The following DSCAM variants were observed in gnomAD, a reference collection of about 807,000 sequenced individuals.
DSCAM encodes DS cell adhesion molecule.
Under a neutral mutation model 217.7 loss-of-function variants are expected in DSCAM, and 47 were observed. The observed-to-expected ratio is 0.22, with a 90% confidence interval of 0.17 to 0.28. The LOEUF (loss-of-function observed/expected upper bound fraction) is 0.28, where lower values mean the gene tolerates loss of function less well. DSCAM is among the 10% of genes least tolerant of loss of function. The pLI, the probability that DSCAM is intolerant of heterozygous loss-of-function variation, is 1.00. For synonymous variants in DSCAM, 1,056 were observed against 1,015.3 expected, an observed-to-expected ratio of 1.04 and a Z score of -0.76; for missense variants, 2,080 against 2,618.3, an observed-to-expected ratio of 0.79 and a Z score of 4.49.
chr21:40,209,380 C>A (rs993170218), intron 11 of DSCAM, among the ~76,000 whole-genome samples: 21 of 152,150 alleles, frequency 1.4e-4, no homozygotes, highest in African/African-American at 5.1e-4. Context: ...CATGGCGATG[C>A]CTGCACACAC....
intron 5 of DSCAM, among the ~76,000 whole-genome samples, chr21:40,348,203 C>T (rs866630733): frequency 9.9e-5 from 15 of 152,238 alleles, no homozygotes; most frequent in Non-Finnish European, 1.5e-4. Flanking sequence ...TTATTGCAAT[C>T]GTACCCCACA....
intron 3 of DSCAM, among the ~76,000 whole-genome samples, chr21:40,516,604 A>C (rs1201800921): frequency 6.6e-6 from 1 of 152,110 alleles, no homozygotes; most frequent in Non-Finnish European, 1.5e-5. Context: ...CGGCCAATGT[A>C]CCTGCAGAAT....
chr21:40,149,731 C>T lies in DSCAM; in HGVS notation c.3019-5000G>A, dbSNP rs550218165. Among the ~76,000 whole-genome samples the T allele has an allele frequency of 2.7e-5, 4 of 148,552 alleles. 1 individual carries two copies. In the South Asian group the frequency reaches 8.7e-4, roughly 32 times the overall value. On this transcript the variant is annotated intron_variant, in intron 16 of 32. Transcript: ENST00000400454. ...CATTACTTCTTCACTATCCCAACAC[C>T]AACACCACTGTCACAACATCCATCG... is the stretch of plus-strand genomic sequence containing the variant.
Position 40,692,778 on chromosome 21 carries a change from G to A in DSCAM, c.508+32C>T, listed in dbSNP as rs2090551458. The A allele has an allele frequency of 4.4e-6, 7 of 1,581,110 alleles. No homozygotes were observed. In the African/African-American group the frequency reaches 9.4e-5, roughly 21 times the overall value. On this transcript the variant is annotated intron_variant, in intron 3 of 32. Transcript: ENST00000400454. ...AATAACCTTTTCAGAAGGTGAGCGT[G>A]GTGTCCTGCACCCTGGAGACGCAAA...
chr21:40,185,522 T>A (rs1311235188), intron 14 of DSCAM, among the ~76,000 whole-genome samples: 4 of 152,184 alleles, frequency 2.6e-5, no homozygotes, highest in Non-Finnish European at 4.4e-5. Context: ...AGAGGTCTCC[T>A]GTGTGCTCCC....
At chr21:40,810,467 C>T (rs1331515483) in intron 1 of DSCAM, among the ~76,000 whole-genome samples, 1 of 152,214 alleles carries the variant, frequency 6.6e-6, no homozygotes, top group Non-Finnish European at 1.5e-5. Flanking sequence ...AAACCAGGAA[C>T]ACAAGAAGGT....
At chr21:40,436,719 T>C (rs571612881) in intron 3 of DSCAM, among the ~76,000 whole-genome samples, 2 of 152,142 alleles carry the variant, frequency 1.3e-5, no homozygotes, top group Middle Eastern at 6.8e-3. Flanking sequence ...CGTTAAAAAA[T>C]GGTTAAGAAT....
At chr21:40,556,577 C>T (rs894920468) in intron 3 of DSCAM, among the ~76,000 whole-genome samples, 2 of 152,108 alleles carry the variant, frequency 1.3e-5, no homozygotes, top group African/African-American at 4.8e-5. Flanking sequence ...CTGGTGAAAA[C>T]CCCAGACAGC....
intron 4 of DSCAM, among the ~76,000 whole-genome samples, chr21:40,367,386 A>G (rs2074844589): frequency 6.6e-6 from 1 of 151,964 alleles, no homozygotes; most frequent in Non-Finnish European, 1.5e-5. Context: ...ATCCTATTTT[A>G]TCTGTGTTGG....
intron 28 of DSCAM, among the ~76,000 whole-genome samples, chr21:40,059,869 T>C (rs2089087623): frequency 6.6e-6 from 1 of 152,096 alleles, no homozygotes; most frequent in African/African-American, 2.4e-5. Flanking sequence ...AGACCAGGGG[T>C]AGCTGTTCAG....
intron 3 of DSCAM, among the ~76,000 whole-genome samples, chr21:40,482,264 T>C (rs1170860517): frequency 1.3e-5 from 2 of 152,234 alleles, no homozygotes; most frequent in African/African-American, 4.8e-5. Context: ...AACGTAGCTA[T>C]TGTACACTTA....
intron 32 of DSCAM, among the ~76,000 whole-genome samples, chr21:40,022,392 T>C (rs1248124973): frequency 6.6e-6 from 1 of 152,264 alleles, no homozygotes; most frequent in East Asian, 1.9e-4. Flanking sequence ...TGAGAAACTC[T>C]GTTTTAGATG....
At chr21:40,552,497 T>C (rs1246042364) in intron 3 of DSCAM, among the ~76,000 whole-genome samples, 4 of 152,170 alleles carry the variant, frequency 2.6e-5, no homozygotes. Flanking sequence ...ATATCTCCCA[T>C]TGCTGCAGTG....
At chr21:40,257,497 C>CACACACACACACACACA (rs975639777) in intron 11 of DSCAM, among the ~76,000 whole-genome samples, 2 of 151,594 alleles carry the variant, frequency 1.3e-5, no homozygotes, top group African/African-American at 2.4e-5. Flanking sequence ...CACACACACA[C>CACACACACACACACACA]AATGGCAAAC....
At position 40,596,611 on chromosome 21, in the gene DSCAM, C is replaced by G. The variant is rs544499098; in HGVS notation, c.508+96199G>C. On this transcript the variant is annotated intron_variant, in intron 3 of 32. Coordinates refer to ENST00000400454, the MANE Select transcript of DSCAM (RefSeq NM_001389.5). ...GTAAATATCTTAAAAACAAGAACAA[C>G]AGAACACAGAATTGTGGTAATTTCT... Among the ~76,000 whole-genome samples the G allele has an allele frequency of 1.1e-4, 16 of 152,236 alleles. 1 individual carries two copies. The East Asian group carries it at 3.1e-3, about 29-fold the overall frequency.
At chr21:40,469,280 C>T (rs1467168485) in intron 3 of DSCAM, among the ~76,000 whole-genome samples, 1 of 152,056 alleles carries the variant, frequency 6.6e-6, no homozygotes, top group East Asian at 1.9e-4. Flanking sequence ...TGCATCCTTT[C>T]TCAGAAATGA....
chr21:40,072,965 A>G (rs564748879), intron 27 of DSCAM, among the ~76,000 whole-genome samples: 1 of 152,322 alleles, frequency 6.6e-6, no homozygotes, highest in Admixed American at 6.5e-5. Context: ...GGAGGCCAAC[A>G]ATAAAAATGC....
intron 1 of DSCAM, among the ~76,000 whole-genome samples, chr21:40,793,406 C>G (rs571910137): frequency 4.1e-4 from 63 of 152,200 alleles, no homozygotes; most frequent in Admixed American, 9.2e-4. Context: ...ATACTCTTGT[C>G]TTGGGTAAGG....
chr21:40,471,468 T>C (rs765787067), intron 3 of DSCAM, among the ~76,000 whole-genome samples: 9 of 152,212 alleles, frequency 5.9e-5, no homozygotes, highest in Non-Finnish European at 1.3e-4. Flanking sequence ...CAGTAACTGA[T>C]TATGCATGAG....
Sources: gnomAD v4.1 joint callset for allele counts (sites outside exome capture counted in the v4.1 genomes callset) on GRCh38, gnomAD v4.1.1 for gene constraint, MANE v1.5 for transcripts, NCBI Gene and HGNC (gene_info 2026-07-23, HGNC 2026-07-21) for gene names.